The following CSMD1 variants were observed in gnomAD, a reference collection of about 807,000 sequenced individuals.
CSMD1 encodes the protein CUB and sushi domain-containing protein 1.
In CSMD1, 213 loss-of-function variants were observed where a neutral mutation model predicts 417.5. The observed-to-expected ratio is 0.51, with a 90% CI of 0.46 to 0.57. The LOEUF (loss-of-function observed/expected upper bound fraction) is 0.57. CSMD1 is among the 20% of genes least tolerant of loss of function. The pLI is 0.00. For synonymous variants in CSMD1, 2,862 were observed against 1,736.8 expected, an observed-to-expected ratio of 1.65 and a Z score of -16.11; for missense variants, 6,923 against 4,529.7, an observed-to-expected ratio of 1.53 and a Z score of -15.17.
chr8:3,307,717 C>G lies in CSMD1; in HGVS notation c.3928G>C (p.Ala1310Pro). ...TACCTAATGGTCTTTCCTGGGTCTG[C>G]CTCTATAATCCAGGTGCAGTGGAGG... ...NNLHCTWIIE[A>P]DPGKTISLHF... Residue 1310 changes from alanine (A) to proline (P), a missense_variant, in exon 25 of 70, where the codon GCA becomes CCA. Transcript: ENST00000635120. 6.2e-7 allele frequency: 1 copy of G among 1,613,608 alleles called. No homozygotes were observed. The highest frequency in any genetic ancestry group is 8.5e-7 in the Non-Finnish European group (1 of 1,179,648).
intron 5 of CSMD1, among the ~76,000 whole-genome samples, chr8:3,983,009 G>A (rs1814002224): frequency 6.6e-6 from 1 of 152,094 alleles, no homozygotes; most frequent in African/African-American, 2.4e-5. Context: ...AGTAGCCCAA[G>A]ACAGCACAGC....
chr8:4,397,169 T>C (rs113320618), intron 3 of CSMD1, among the ~76,000 whole-genome samples: 15 of 152,174 alleles, frequency 9.9e-5, no homozygotes, highest in African/African-American at 3.6e-4. Context: ...CGTCCATGCA[T>C]GATGATCAAC....
chr8:4,948,288 T>C (rs890336134), intron 1 of CSMD1, among the ~76,000 whole-genome samples: 3 of 152,104 alleles, frequency 2.0e-5, no homozygotes, highest in African/African-American at 7.2e-5. Flanking sequence ...AATATTTTTA[T>C]AATGTTAGGT....
chr8:3,931,580 T>C lies in CSMD1; in HGVS notation c.818+66323A>G, dbSNP rs565400423. ...TGGAGGGAGGTCAGGCAGCAGTCAG[T>C]GCCATGAATTGCCTCAAATCATTGC... On this transcript the variant is annotated intron_variant, in intron 5 of 69. Transcript: ENST00000635120. Among the ~76,000 whole-genome samples the C allele has an allele frequency of 2.5e-4, 37 of 150,128 alleles. 2 individuals carry two copies. The highest frequency in any genetic ancestry group is 8.6e-4 in the African/African-American group (35 of 40,758).
intron 1 of CSMD1, among the ~76,000 whole-genome samples, chr8:4,939,975 A>T (rs78424529): frequency 0.029 from 4,470 of 152,288 alleles, 213 homozygotes; most frequent in African/African-American, 0.1. Flanking sequence ...AAACTTGAAA[A>T]ATCTTCAGAG....
intron 1 of CSMD1, among the ~76,000 whole-genome samples, chr8:4,885,894 A>G (rs1471374033): frequency 1.3e-5 from 2 of 152,106 alleles, no homozygotes; most frequent in Non-Finnish European, 2.9e-5. Flanking sequence ...TGCTTTCTCC[A>G]TGCTGACAAA....
intron 5 of CSMD1, among the ~76,000 whole-genome samples, chr8:3,934,263 C>T (rs969794624): frequency 3.3e-5 from 5 of 152,196 alleles, no homozygotes; most frequent in African/African-American, 1.2e-4. Context: ...AATCATTCCG[C>T]TGTTCTTCAT....
chr8:3,794,485 T>A (rs138764559), intron 5 of CSMD1, among the ~76,000 whole-genome samples: 1 of 152,186 alleles, frequency 6.6e-6, no homozygotes, highest in Non-Finnish European at 1.5e-5. Context: ...TAGTTTTTCA[T>A]AGCTACTCTC....
At chr8:3,968,209 A>AAT (rs895762036) in intron 5 of CSMD1, among the ~76,000 whole-genome samples, 14 of 141,324 alleles carry the variant, frequency 9.9e-5, no homozygotes, top group African/African-American at 3.7e-4. Flanking sequence ...TAATAATAAT[A>AAT]AATAATAAAA....
At chr8:3,179,373 C>T (rs1340073474) in intron 37 of CSMD1, among the ~76,000 whole-genome samples, 3 of 152,012 alleles carry the variant, frequency 2.0e-5, no homozygotes, top group Admixed American at 2.0e-4. Flanking sequence ...AAGAAAATAA[C>T]AAACAAAAAT....
At chr8:4,083,215 G>A (rs950084861) in intron 3 of CSMD1, among the ~76,000 whole-genome samples, 1 of 152,066 alleles carries the variant, frequency 6.6e-6, no homozygotes, top group African/African-American at 2.4e-5. Flanking sequence ...GGTTGAACTA[G>A]TTTACAGGCC....
intron 3 of CSMD1, among the ~76,000 whole-genome samples, chr8:4,299,096 G>T (rs965877579): frequency 6.6e-5 from 10 of 152,212 alleles, no homozygotes; most frequent in African/African-American, 2.4e-4. Flanking sequence ...TATAAGGAGG[G>T]AAGAAGGTGA....
At chr8:4,249,624 T>C (rs1802929956) in intron 3 of CSMD1, among the ~76,000 whole-genome samples, 1 of 152,156 alleles carries the variant, frequency 6.6e-6, no homozygotes, top group Admixed American at 6.5e-5. Flanking sequence ...TTTTCTCTGC[T>C]CAACACAGTG....
At chr8:3,876,481 G>A (rs998741230) in intron 5 of CSMD1, among the ~76,000 whole-genome samples, 3 of 152,154 alleles carry the variant, frequency 2.0e-5, no homozygotes, top group African/African-American at 7.2e-5. Flanking sequence ...TAACAGAATT[G>A]ATAAAATATG....
intron 5 of CSMD1, among the ~76,000 whole-genome samples, chr8:3,836,444 T>A (rs1288128605): frequency 6.6e-6 from 1 of 152,174 alleles, no homozygotes; most frequent in African/African-American, 2.4e-5. Flanking sequence ...CTCCAATTTC[T>A]GCATTAATAG....
chr8:4,314,473 CG>C (rs1392996608), intron 3 of CSMD1, among the ~76,000 whole-genome samples: 1 of 151,894 alleles, frequency 6.6e-6, no homozygotes, highest in Non-Finnish European at 1.5e-5. Context: ...CAATTGCATC[CG>C]TTCCTTGAAT....
chr8:2,995,931 G>A (rs907397090), intron 54 of CSMD1, among the ~76,000 whole-genome samples: 2 of 152,288 alleles, frequency 1.3e-5, no homozygotes, highest in East Asian at 1.9e-4. Flanking sequence ...GTTTATAAGC[G>A]GAGTAAGGCG....
chr8:4,911,771 A>G (rs1412967080), intron 1 of CSMD1, among the ~76,000 whole-genome samples: 1 of 152,192 alleles, frequency 6.6e-6, no homozygotes, highest in Non-Finnish European at 1.5e-5. Context: ...GGCTTCCAAC[A>G]TAGAAGCCGC....
intron 1 of CSMD1, among the ~76,000 whole-genome samples, chr8:4,857,192 G>C (rs1438071727): frequency 6.7e-6 from 1 of 150,318 alleles, no homozygotes; most frequent in East Asian, 2.0e-4. Flanking sequence ...AATGAAGGCA[G>C]AAATAAAGAT....
Sources: allele counts gnomAD v4.1 joint callset (sites outside exome capture counted in the v4.1 genomes callset), GRCh38; gene constraint gnomAD v4.1.1; transcripts MANE v1.5; gene names NCBI Gene and HGNC (gene_info 2026-07-23, HGNC 2026-07-21).